The following ADAM23 variants were observed in gnomAD, a reference collection of about 807,000 sequenced individuals.
The protein encoded by ADAM23 is ADAM metallopeptidase domain 23, also known as disintegrin and metalloproteinase domain-containing protein 23.
ADAM23 carries 33 observed loss-of-function variants against 120.1 expected under a neutral mutation model. That is an observed-to-expected ratio of 0.27 (90% CI 0.21 to 0.37). ADAM23 has a LOEUF of 0.37. Ranked by LOEUF, ADAM23 falls within the 10% of genes least tolerant of loss-of-function variation. The pLI is 1.00. For missense variants in ADAM23, 862 were observed against 1,058.2 expected (o/e 0.81, Z 2.57); for synonymous variants, 367 against 375.2 (o/e 0.98, Z 0.25).
chr2:206,567,336 A>T lies in ADAM23; in HGVS notation c.1494+14A>T. 6.3e-7 allele frequency: 1 copy of T among 1,580,612 alleles called. No homozygotes were observed. Among genetic ancestry groups the T allele is most frequent in the Non-Finnish European group, 8.7e-7 (1 of 1,150,088 alleles). ...AGGCCAACAAAGGTTAGTAACTTAG[A>T]AAGCATACTAAGAAAGTATATTATT... On this transcript the variant is annotated intron_variant, in intron 15 of 25. Transcript: ENST00000264377.
chr2:206,571,775 C>T lies in ADAM23; in HGVS notation c.1615C>T (p.His539Tyr), dbSNP rs777025052. The T allele has an allele frequency of 1.2e-6, 2 of 1,614,020 alleles. No individual in the cohort carries two copies. The highest frequency in any genetic ancestry group is 2.2e-5 in the East Asian group (1 of 44,888). Residue 539 changes from histidine to tyrosine, a missense_variant, in exon 17 of 26, where the codon CAC becomes TAC. By Grantham distance (83) the His-to-Tyr change is moderately conservative. Around this residue, in one of 4 missense-constraint regions of ADAM23, gnomAD observed 617 missense variants for 813.5 expected, o/e 0.76. Coordinates refer to ENST00000264377, the MANE Select transcript of ADAM23 (RefSeq NM_003812.4). ...GAAATGTTCCCTCTCCAACGGGGCT[C>T]ACTGCAGCGACGGGCCCTGCTGTAA... ...CKKCSLSNGAHCSDGPCCNNT... is the reference protein window; with the variant it reads ...CKKCSLSNGAYCSDGPCCNNT...
chr2:206,588,686 C>A (rs567820805), intron 20 of ADAM23, among the ~76,000 whole-genome samples: 10 of 152,298 alleles, frequency 6.6e-5, no homozygotes, highest in African/African-American at 2.4e-4. Flanking sequence ...ATATCCTCTT[C>A]CTGACATTTA....
chr2:206,571,544 A>G (rs1041760963), intron 16 of ADAM23, among the ~76,000 whole-genome samples, 183 bp from the exon 17 acceptor site: 12 of 152,226 alleles, frequency 7.9e-5, no homozygotes, highest in Non-Finnish European at 7.3e-5. Flanking sequence ...AGAAGATCTT[A>G]CTTTGGTGAC....
At chr2:206,511,633 G>A (rs1441731250) in intron 3 of ADAM23, among the ~76,000 whole-genome samples, 1 of 152,178 alleles carries the variant, frequency 6.6e-6, no homozygotes, top group Non-Finnish European at 1.5e-5. Flanking sequence ...GCAGGCGTTT[G>A]AACTTTCACA....
rs184117249 is a variant in ADAM23, at chr2:206,519,868, G to A, written c.510-11017G>A. ...CTCTACAAAAAAATAAAAAAGATAAGCCACTCATGGTGGCACATGCCTGTG... is the reference window on the plus strand; with the variant it reads ...CTCTACAAAAAAATAAAAAAGATAAACCACTCATGGTGGCACATGCCTGTG... On this transcript the variant is annotated intron_variant, in intron 3 of 25. Transcript: ENST00000264377. Among the ~76,000 whole-genome samples, 246 of 152,078 alleles carry A rather than the reference G, an allele frequency of 1.6e-3. 2 individuals are homozygous for A. Among genetic ancestry groups the A allele is most frequent in the African/African-American group, 5.6e-3 (234 of 41,514 alleles).
chr2:206,561,372 G>T (rs1697762266), intron 12 of ADAM23, among the ~76,000 whole-genome samples, 160 bp downstream of exon 12: 1 of 152,078 alleles, frequency 6.6e-6, no homozygotes, highest in South Asian at 2.1e-4. Flanking sequence ...GGTCCTTTTG[G>T]TTCATAGTGA....
chr2:206,500,354 G>A (rs887749622), intron 3 of ADAM23, among the ~76,000 whole-genome samples: 1 of 152,086 alleles, frequency 6.6e-6, no homozygotes, highest in Admixed American at 6.6e-5. Flanking sequence ...CAATTCCTTA[G>A]ATATTACTCC....
At chr2:206,587,167 T>A (rs1395384253) in intron 18 of ADAM23, among the ~76,000 whole-genome samples, 158 bp from the exon 19 acceptor site, 1 of 152,234 alleles carries the variant, frequency 6.6e-6, no homozygotes, top group African/African-American at 2.4e-5. Context: ...AATAATAGGA[T>A]AAATAATTTG....
At chr2:206,532,246 A>C (rs1332977660) in intron 4 of ADAM23, among the ~76,000 whole-genome samples, 3 of 152,064 alleles carry the variant, frequency 2.0e-5, no homozygotes, top group Non-Finnish European at 4.4e-5. Flanking sequence ...ATTGCAGGGA[A>C]CTTTATAGAC....
At chr2:206,449,319 C>G (rs932994178) in intron 2 of ADAM23, among the ~76,000 whole-genome samples, 1 of 152,158 alleles carries the variant, frequency 6.6e-6, no homozygotes, top group Admixed American at 6.5e-5. Context: ...TAAATATAAG[C>G]ATTTTATTAA....
At chr2:206,548,778 A>G (rs1009866401) in intron 8 of ADAM23, among the ~76,000 whole-genome samples, 1 of 152,204 alleles carries the variant, frequency 6.6e-6, no homozygotes, top group Non-Finnish European at 1.5e-5. Context: ...CTAATCATAC[A>G]TATTTATATT....
chr2:206,499,508 G>GGGA lies in ADAM23; in HGVS notation c.509+18202_509+18203insAGG, dbSNP rs1553551908. ...GGGACTGTTGTGGGGTGGGGGGAGG[G>GGGA]GGGATAGCATTAGGAGATATACCTA... On this transcript the variant is annotated intron_variant, in intron 3 of 25. Transcript: ENST00000264377. Among the ~76,000 whole-genome samples, 12 of 128,184 alleles carry GGGA rather than the reference G, an allele frequency of 9.4e-5. No homozygotes were observed. The South Asian group carries it at 1.5e-3, about 16-fold the overall frequency. 84.1% of individuals were successfully genotyped at this position (128,184 alleles called of 152,430 possible).
chr2:206,596,417 T>C (rs1276759289), intron 24 of ADAM23, among the ~76,000 whole-genome samples: 1 of 152,230 alleles, frequency 6.6e-6, no homozygotes, highest in African/African-American at 2.4e-5. Flanking sequence ...TAATACAGTA[T>C]TCTTTTTCTC....
chr2:206,469,227 A>G (rs1007825866), intron 2 of ADAM23, among the ~76,000 whole-genome samples: 1 of 152,192 alleles, frequency 6.6e-6, no homozygotes, highest in African/African-American at 2.4e-5. Flanking sequence ...TAATGTGCAT[A>G]TCAAACTTAG....
chr2:206,473,279 T>A (rs1044810646), intron 2 of ADAM23, among the ~76,000 whole-genome samples: 2 of 152,200 alleles, frequency 1.3e-5, no homozygotes, highest in African/African-American at 2.4e-5. Flanking sequence ...CTAGAAGAGC[T>A]GTCTGAATTC....
chr2:206,463,814 G>C (rs974126529), intron 2 of ADAM23, among the ~76,000 whole-genome samples: 1 of 152,374 alleles, frequency 6.6e-6, no homozygotes, highest in African/African-American at 2.4e-5. Flanking sequence ...CACCCATGGA[G>C]AGACTGTATT....
At chr2:206,516,067 A>G (rs1329766578) in intron 3 of ADAM23, among the ~76,000 whole-genome samples, 2 of 152,044 alleles carry the variant, frequency 1.3e-5, no homozygotes, top group Non-Finnish European at 2.9e-5. Flanking sequence ...AAAGAAGAGT[A>G]ATAAAATGGA....
intron 18 of ADAM23, among the ~76,000 whole-genome samples, chr2:206,577,531 C>A (rs1452363459): frequency 7.2e-6 from 1 of 139,816 alleles, no homozygotes. Context: ...TTTGTTCTTG[C>A]GATAGTTTAC....
intron 3 of ADAM23, among the ~76,000 whole-genome samples, chr2:206,504,340 A>C (rs781540910): frequency 1.4e-4 from 21 of 152,218 alleles, no homozygotes; most frequent in Middle Eastern, 3.4e-3. Flanking sequence ...CCCTGAGTGA[A>C]CCTGTTGTAT....
Sources: gnomAD v4.1 joint callset for allele counts (sites outside exome capture counted in the v4.1 genomes callset) on GRCh38, gnomAD v4.1.1 for gene constraint, gnomAD v4.1.1 regional missense constraint, MANE v1.5 for transcripts, NCBI Gene and HGNC (gene_info 2026-07-23, HGNC 2026-07-21) for gene names.